Variants in SGF29 observed in about 807,000 individuals in gnomAD.
SGF29 encodes the protein SAGA-associated factor 29.
A neutral mutation model predicts 38.1 loss-of-function variants in SGF29; 15 were observed. That is an observed-to-expected ratio of 0.39 (90% CI 0.26 to 0.61). The LOEUF (loss-of-function observed/expected upper bound fraction) is 0.61, where lower values mean the gene tolerates loss of function less well. Ranked by LOEUF, SGF29 falls within the 20% of genes least tolerant of loss-of-function variation. The pLI is 0.49. For synonymous variants in SGF29, 151 were observed against 160.8 expected (o/e 0.94, Z 0.46); for missense variants, 184 against 394.6 (o/e 0.47, Z 4.52).
Position 28,590,513 on chromosome 16 carries a change from C to G in SGF29, c.566+71C>G. On this transcript the variant is annotated intron_variant, in intron 7 of 9. Transcript: ENST00000317058. The surrounding 1 kb of genome is among the most constrained non-coding windows in gnomAD (Gnocchi z 8.2). The stretch of plus-strand genomic sequence containing the variant: ...CCTGGGCTACGGGAGAAAAGCTCTG[C>G]AGAGGGTGCTCCCCAGAGGCTGGTT... The G allele has an allele frequency of 1.2e-6, 2 of 1,613,056 alleles. No homozygotes were observed. The highest frequency in any genetic ancestry group is 1.7e-6 in the Non-Finnish European group (2 of 1,179,506).
At chr16:28,585,769 C>T (rs369406412) in intron 4 of SGF29, 49 bp downstream of exon 4, 11 of 1,556,140 alleles carry the variant, frequency 7.1e-6, no homozygotes, top group Non-Finnish European at 9.8e-6. Context: ...TTCCTGGGGG[C>T]TGGGCTGCAG....
chr16:28,573,147 T>C lies in SGF29; in HGVS notation c.-15-7908T>C, dbSNP rs553836327. Among the ~76,000 whole-genome samples, 9 of 152,270 alleles carry C rather than the reference T, an allele frequency of 5.9e-5. No individual in the cohort carries two copies. In the South Asian group the frequency reaches 1.7e-3, roughly 28 times the overall value. On this transcript the variant is annotated intron_variant, in intron 1 of 9. Transcript: ENST00000317058. The stretch of plus-strand genomic sequence containing the variant: ...GGCATTTGGTGCTGTTTATCATCCC[T>C]TCTGTGACTTTCTTTTGACGGATGT...
chr16:28,560,995 A>G (rs2151641629), intron 1 of SGF29, among the ~76,000 whole-genome samples: 1 of 151,990 alleles, frequency 6.6e-6, no homozygotes, highest in South Asian at 2.1e-4. Context: ...ACGAAGATCA[A>G]CCCCAAGAGG....
chr16:28,591,762 G>A lies in SGF29; in HGVS notation c.*56G>A, dbSNP rs4987222. 1,254 of 1,415,576 alleles carry A rather than the reference G, an allele frequency of 8.9e-4. 10 individuals carry two copies. In the African/African-American group the frequency reaches 0.014, roughly 16 times the overall value. The allele number at this position is 1,415,576 out of a possible 1,614,324, so 87.7% of individuals were successfully genotyped here. The stretch of plus-strand genomic sequence containing the variant: ...GACACAGGGCAGGACAGCAGAGGAC[G>A]TGCTGGGATTAAACACATTCCCCCT... On this transcript the variant is annotated 3_prime_UTR_variant, in exon 10 of 10. Coordinates refer to ENST00000317058, the MANE Select transcript of SGF29 (RefSeq NM_138414.3).
intron 2 of SGF29, among the ~76,000 whole-genome samples, chr16:28,582,802 G>A (rs2046934165): frequency 6.6e-6 from 1 of 152,100 alleles, no homozygotes; most frequent in African/African-American, 2.4e-5. Flanking sequence ...GGGCGTGGTG[G>A]TACATGCTTG....
rs1408499198 is a variant in SGF29, at chr16:28,589,121, C to T, written c.246C>T (p.Asp82=). 6.2e-7 allele frequency: 1 copy of T among 1,614,206 alleles called. No individual in the cohort carries two copies. ...AECNILRKAL[D]KIAEIKSLLE... ...TCAGCATCCTTCGGAAAGCTCTGGA[C>T]AAGATCGCGGAAATCAAGTCTCTGT... The change falls in exon 5 of 10, where the codon GAC becomes GAT. Residue 82 remains aspartate, a synonymous_variant. Coordinates refer to ENST00000317058, the MANE Select transcript of SGF29 (RefSeq NM_138414.3).
In SGF29 at chr16:28,571,592, A is replaced by AAAC. The variant is rs1376853616; in HGVS notation, c.-15-9461_-15-9460insCAA. ...TGGCGACAGAACTAGACTCCGCCTT[A>AAAC]AAAAAAAAAAAAAAAAAGATTCTGA... On this transcript the variant is annotated intron_variant, in intron 1 of 9. Coordinates refer to ENST00000317058, the MANE Select transcript of SGF29 (RefSeq NM_138414.3). Among the ~76,000 whole-genome samples the AAAC allele has an allele frequency of 4.1e-4, 16 of 38,576 alleles. No individual in the cohort carries two copies. The Admixed American group carries it at 5.3e-3, about 13-fold the overall frequency. The allele number at this position is 38,576 out of a possible 152,430, so 25.3% of individuals were successfully genotyped here.
chr16:28,557,601 A>C (rs1307452175), intron 1 of SGF29, among the ~76,000 whole-genome samples: 1 of 152,202 alleles, frequency 6.6e-6, no homozygotes, highest in East Asian at 1.9e-4. Context: ...AGCACAAATA[A>C]AGCAACTGGG....
intron 1 of SGF29, among the ~76,000 whole-genome samples, chr16:28,565,738 C>T (rs1213146793): frequency 2.6e-5 from 4 of 151,928 alleles, no homozygotes; most frequent in South Asian, 2.1e-4. Flanking sequence ...CCACCCGCCT[C>T]GGCCTCCCAA....
chr16:28,554,325 G>A (rs2046732552), intron 1 of SGF29, among the ~76,000 whole-genome samples: 1 of 152,134 alleles, frequency 6.6e-6, no homozygotes, highest in South Asian at 2.1e-4. Flanking sequence ...CTCGAGGTCT[G>A]CGCTTGCGTG....
chr16:28,573,474 G>A (rs1176867442), intron 1 of SGF29, among the ~76,000 whole-genome samples: 1 of 152,206 alleles, frequency 6.6e-6, no homozygotes, highest in Non-Finnish European at 1.5e-5. Context: ...GGACAAGGAA[G>A]CAGCACCGGA....
chr16:28,583,870 C>T (rs1232691757), intron 2 of SGF29, among the ~76,000 whole-genome samples: 2 of 152,038 alleles, frequency 1.3e-5, no homozygotes, highest in Admixed American at 1.3e-4. Context: ...ATCTGGGTCC[C>T]GTGAATTTCC....
chr16:28,564,728 C>T lies in SGF29; in HGVS notation c.-16+10631C>T, dbSNP rs12929481. ...ATATACATATATATGTATATATATA[C>T]ATATATATGTATATATGTATATATA... On this transcript the variant is annotated intron_variant, in intron 1 of 9. Transcript: ENST00000317058. Among the ~76,000 whole-genome samples, 24 of 70,234 alleles carry T rather than the reference C, an allele frequency of 3.4e-4. 1 individual carries two copies. The highest frequency in any genetic ancestry group is 5.9e-4 in the East Asian group (2 of 3,380). 46.1% of individuals were successfully genotyped at this position (70,234 alleles called of 152,430 possible).
intron 1 of SGF29, among the ~76,000 whole-genome samples, chr16:28,567,452 T>G (rs1315970312): frequency 6.6e-6 from 1 of 152,228 alleles, no homozygotes; most frequent in African/African-American, 2.4e-5. Flanking sequence ...TAGTCTAAAA[T>G]ATTTTGTTAA....
intron 1 of SGF29, among the ~76,000 whole-genome samples, chr16:28,564,753 A>ATG (rs1567286145): frequency 1.3e-5 from 1 of 75,394 alleles, no homozygotes; most frequent in African/African-American, 4.6e-5. Context: ...ATGTATATAT[A>ATG]TGTATATATG....
chr16:28,564,708 CATATATAT>C (rs2046821100), intron 1 of SGF29, among the ~76,000 whole-genome samples: 12 of 50,236 alleles, frequency 2.4e-4, no homozygotes, highest in Non-Finnish European at 4.1e-4. Flanking sequence ...TATATATATA[CATATATAT>C]GTATATATAT....
Position 28,561,162 on chromosome 16 carries a change from C to T in SGF29, c.-16+7065C>T, listed in dbSNP as rs192894403. ...ATCCCAACAATTTGGGAGGCTGAGT[C>T]GGGAGGATCGCCTGAGCCCAGGAGT... On this transcript the variant is annotated intron_variant, in intron 1 of 9. Transcript: ENST00000317058. Among the ~76,000 whole-genome samples, 492 of 152,184 alleles carry T rather than the reference C, an allele frequency of 3.2e-3. 3 individuals are homozygous for T. Among genetic ancestry groups the T allele is most frequent in the African/African-American group, 0.011 (446 of 41,530 alleles).
intron 1 of SGF29, among the ~76,000 whole-genome samples, chr16:28,555,358 C>A (rs536959534): frequency 6.6e-6 from 1 of 151,984 alleles, no homozygotes; most frequent in East Asian, 1.9e-4. Flanking sequence ...CGCCTGTAAT[C>A]CCAGCTACTT....
chr16:28,562,253 CCTTT>C (rs2046794791), intron 1 of SGF29, among the ~76,000 whole-genome samples: 1 of 152,162 alleles, frequency 6.6e-6, no homozygotes, highest in African/African-American at 2.4e-5. Flanking sequence ...CTGCCTAGGA[CCTTT>C]CTTAGATAGT....
Sources: allele counts gnomAD v4.1 joint callset (sites outside exome capture counted in the v4.1 genomes callset), GRCh38; gene constraint gnomAD v4.1.1; non-coding constraint Gnocchi (gnomAD v3.1); transcripts MANE v1.5; gene names NCBI Gene and HGNC (gene_info 2026-07-23, HGNC 2026-07-21).